Variants in KIF1B observed in about 807,000 individuals in gnomAD.
KIF1B encodes the protein kinesin-like protein KIF1B.
A neutral mutation model predicts 241.9 loss-of-function variants in KIF1B; 76 were observed. The observed-to-expected ratio is 0.31, with a 90% confidence interval of 0.26 to 0.38. KIF1B has a LOEUF of 0.38. Among genes scored for constraint, KIF1B ranks in the 10% least tolerant of loss-of-function variants. KIF1B has a pLI of 1.00. For missense variants in KIF1B, 1,622 were observed against 2,271.4 expected, an observed-to-expected ratio of 0.71 and a Z score of 5.81; for synonymous variants, 750 against 796.7, an observed-to-expected ratio of 0.94 and a Z score of 0.99.
rs745440872 is a variant in KIF1B at position 10,275,459 on chromosome 1, C to G, written c.914C>G (p.Pro305Arg). The G allele has an allele frequency of 6.3e-7, 1 of 1,585,712 alleles. No individual in the cohort carries two copies. Among genetic ancestry groups the G allele is most frequent in the Non-Finnish European group, 8.7e-7 (1 of 1,154,696 alleles). The change falls in exon 11 of 49, where the codon CCC becomes CGC. Residue 305 changes from proline to arginine, a missense_variant. Transcript: ENST00000676179. ...AAGAAGAAGAAAACAGATTTTATTCCCTACAGGGATTCTGTACTTACTTGG... is the reference window on the plus strand; with the variant it reads ...AAGAAGAAGAAAACAGATTTTATTCGCTACAGGGATTCTGTACTTACTTGG... ...SKKKKKTDFI[P>R]YRDSVLTWLL...
intron 38 of KIF1B, among the ~76,000 whole-genome samples, chr1:10,356,487 G>T (rs1319985427): frequency 6.6e-6 from 1 of 152,044 alleles, no homozygotes; most frequent in Non-Finnish European, 1.5e-5. Flanking sequence ...ACTCAAAAGG[G>T]TTCATCAGAT....
At chr1:10,239,501 GT>G (rs987181581) in intron 2 of KIF1B, among the ~76,000 whole-genome samples, 1 of 151,484 alleles carries the variant, frequency 6.6e-6, no homozygotes, top group Admixed American at 6.6e-5. Flanking sequence ...AGTTTTGTTG[GT>G]TTTTTTAAAA....
chr1:10,216,410 T>C (rs1337630114), intron 1 of KIF1B, among the ~76,000 whole-genome samples: 1 of 152,196 alleles, frequency 6.6e-6, no homozygotes, highest in African/African-American at 2.4e-5. Context: ...ATTTTACTTC[T>C]TTTCCTTCCT....
In KIF1B at chr1:10,321,699, A is replaced by G; in HGVS notation, c.2210-10A>G. The G allele has an allele frequency of 1.9e-6, 3 of 1,613,884 alleles. No individual in the cohort carries two copies. The highest frequency in any genetic ancestry group is 2.2e-5 in the South Asian group (2 of 91,080). ...GATTGCCATTAAATATGCATCATTC[A>G]TTCTTTCAGTTCCTTGGACACAGCA... is the stretch of plus-strand genomic sequence containing the variant. On this transcript the variant is annotated splice_polypyrimidine_tract_variant and intron_variant, in intron 23 of 48. Coordinates refer to ENST00000676179, the MANE Select transcript of KIF1B (RefSeq NM_001365951.3).
chr1:10,357,503 G>A (rs1227254151), intron 38 of KIF1B, among the ~76,000 whole-genome samples: 2 of 152,142 alleles, frequency 1.3e-5, no homozygotes, highest in Non-Finnish European at 1.5e-5. Context: ...TCCTACTAAG[G>A]TAGGAAGATC....
At chr1:10,305,888 G>A (rs968309244) in intron 22 of KIF1B, 3 of 1,052,708 alleles carry the variant, frequency 2.8e-6, no homozygotes, top group Admixed American at 5.5e-5. Context: ...AGCCAGAGAT[G>A]TCCGAAATTG....
chr1:10,365,778 T>A lies in KIF1B; in HGVS notation c.4752+130T>A. 1 of 1,328,324 alleles carries A rather than the reference T, an allele frequency of 7.5e-7. No homozygotes were observed. Among genetic ancestry groups the A allele is most frequent in the Non-Finnish European group, 1.1e-6 (1 of 944,842 alleles). 82.3% of individuals were successfully genotyped at this position (1,328,324 alleles called of 1,614,324 possible). The stretch of plus-strand genomic sequence containing the variant: ...TGTGATAATACTGTGAATGTAGAAA[T>A]AAAAAGACGCAGTTCCTACCCTCAA... On this transcript the variant is annotated intron_variant, in intron 43 of 48. Coordinates refer to ENST00000676179, the MANE Select transcript of KIF1B (RefSeq NM_001365951.3). This position sits in a 1 kb window ranked among gnomAD's most constrained non-coding sequence, Gnocchi z 4.0.
In KIF1B at chr1:10,276,841, G is replaced by T. The variant is rs1649137303; in HGVS notation, c.1037+442G>T. 2.6e-5 allele frequency among the ~76,000 whole-genome samples: 4 copies of T among 152,144 alleles called. No individual in the cohort carries two copies. In the South Asian group the frequency reaches 8.3e-4, roughly 31 times the overall value. On this transcript the variant is annotated intron_variant, in intron 12 of 48. Transcript: ENST00000676179. ...CCCACCTGTAATCCCAGCACTTTGG[G>T]TGGCCGAGGTGGGCGGATCACTTGA...
chr1:10,273,709 C>CAAAAAAA lies in KIF1B; in HGVS notation c.882+702_882+708dup, dbSNP rs56349613. Among the ~76,000 whole-genome samples, 109 of 49,576 alleles carry CAAAAAAA rather than the reference C, an allele frequency of 2.2e-3. 1 individual carries two copies. Among genetic ancestry groups the CAAAAAAA allele is most frequent in the African/African-American group, 8.2e-3 (104 of 12,656 alleles). 32.5% of individuals were successfully genotyped at this position (49,576 alleles called of 152,430 possible). ...GCCTACTCCCTTTCCTCCTCCTCCT[C>CAAAAAAA]AAAAAAAAAAAAAAAAAAAAAAAAA... On this transcript the variant is annotated intron_variant, in intron 10 of 48. Transcript: ENST00000676179.
Position 10,365,761 on chromosome 1 carries a change from T to C in KIF1B, c.4752+113T>C, listed in dbSNP as rs1005529732. ...CGAGGTGTTTGAAGGCCTGTGATAA[T>C]ACTGTGAATGTAGAAATAAAAAGAC... On this transcript the variant is annotated intron_variant, in intron 43 of 48. Coordinates refer to ENST00000676179, the MANE Select transcript of KIF1B (RefSeq NM_001365951.3). The surrounding 1 kb of genome is among the most constrained non-coding windows in gnomAD (Gnocchi z 4.0). 2.8e-6 allele frequency: 4 copies of C among 1,425,634 alleles called. No individual in the cohort carries two copies. In the African/African-American group the frequency reaches 5.6e-5, roughly 20 times the overall value. 88.3% of individuals were successfully genotyped at this position (1,425,634 alleles called of 1,614,324 possible).
At chr1:10,282,222 T>C (rs1649439814) in intron 14 of KIF1B, 100 bp from the exon 15 acceptor site, 4 of 940,986 alleles carry the variant, frequency 4.3e-6, no homozygotes, top group Non-Finnish European at 6.6e-6. Context: ...GCTTTAATGC[T>C]GTCCTTTCTT....
intron 4 of KIF1B, 88 bp downstream of exon 4, chr1:10,258,760 T>C (rs1266263547): frequency 7.7e-7 from 1 of 1,290,842 alleles, no homozygotes; most frequent in African/African-American, 1.5e-5. Flanking sequence ...TTGGCGAACA[T>C]TTATGCGGGG....
chr1:10,259,189 G>T (rs1013952), intron 4 of KIF1B, among the ~76,000 whole-genome samples: 1 of 148,536 alleles, frequency 6.7e-6, no homozygotes, highest in Non-Finnish European at 1.5e-5. Context: ...GTATTATTGG[G>T]TTTGATCCTT....
Position 10,376,813 on chromosome 1 carries a change from CAA to C in KIF1B, c.*229_*230del. Reference sequence around the variant, plus strand: ...ATCTCGTTAGTAGCATGTGGCCTAACAAAAGGAAAAAATGTTTTTAAACACAC... The same window carrying C: ...ATCTCGTTAGTAGCATGTGGCCTAACAAGGAAAAAATGTTTTTAAACACAC... On this transcript the variant is annotated 3_prime_UTR_variant, in exon 49 of 49. Transcript: ENST00000676179. The C allele has an allele frequency of 1.9e-6, 1 of 519,074 alleles. No homozygotes were observed. Among genetic ancestry groups the C allele is most frequent in the East Asian group, 3.3e-5 (1 of 30,416 alleles). The allele number at this position is 519,074 out of a possible 1,614,324, so 32.2% of individuals were successfully genotyped here. A position where few individuals can be genotyped will look rare whatever the true frequency, so the allele number is the denominator to read the frequency against.
intron 1 of KIF1B, among the ~76,000 whole-genome samples, chr1:10,224,177 C>T (rs979896749): frequency 2.0e-5 from 3 of 151,542 alleles, no homozygotes; most frequent in Admixed American, 6.6e-5. Flanking sequence ...TGCAGTAGTG[C>T]GATATCCCAG....
chr1:10,374,257 G>A lies in KIF1B; in HGVS notation c.4947-59G>A. On this transcript the variant is annotated intron_variant, in intron 45 of 48. Transcript: ENST00000676179. The surrounding 1 kb of genome is among the most constrained non-coding windows in gnomAD (Gnocchi z 4.3). ...CTCCCAGTGAAACAGTACTCAGTAT[G>A]CCTTGATTGTAACTGATTCTCTTGT... 1.9e-6 allele frequency: 3 copies of A among 1,550,704 alleles called. No homozygotes were observed. Among genetic ancestry groups the A allele is most frequent in the Non-Finnish European group, 2.7e-6 (3 of 1,122,566 alleles).
chr1:10,352,966 G>A (rs1367553245), intron 38 of KIF1B, among the ~76,000 whole-genome samples: 2 of 152,202 alleles, frequency 1.3e-5, no homozygotes, highest in Non-Finnish European at 2.9e-5. Flanking sequence ...TTAGAGAATG[G>A]AAGTGATCCT....
chr1:10,233,364 C>T (rs190594525), intron 2 of KIF1B, among the ~76,000 whole-genome samples: 1 of 152,110 alleles, frequency 6.6e-6, no homozygotes, highest in African/African-American at 2.4e-5. Context: ...GCCTGTAATC[C>T]CAGCACTTTG....
intron 4 of KIF1B, among the ~76,000 whole-genome samples, chr1:10,260,159 C>T (rs780770807): frequency 3.9e-5 from 6 of 152,178 alleles, no homozygotes; most frequent in Non-Finnish European, 5.9e-5. Context: ...GTTGTATAGC[C>T]TGTTGCTCCA....
Sources: allele counts gnomAD v4.1 joint callset (sites outside exome capture counted in the v4.1 genomes callset), GRCh38; gene constraint gnomAD v4.1.1; non-coding constraint Gnocchi (gnomAD v3.1); transcripts MANE v1.5; gene names NCBI Gene and HGNC (gene_info 2026-07-23, HGNC 2026-07-21).